MYO18B: variants seen among roughly 807,000 people sequenced by gnomAD.
The protein encoded by MYO18B is unconventional myosin-XVIIIb.
MYO18B carries 204 observed loss-of-function variants against 273.0 expected under a neutral mutation model. The ratio of observed to expected loss-of-function variants is 0.75; its 90% CI spans 0.67 to 0.84. MYO18B has a LOEUF of 0.84. MYO18B is among the 40% of genes least tolerant of loss of function. The pLI is 0.00. For missense variants in MYO18B, 3,212 were observed against 3,287.6 expected (o/e 0.98, Z 0.56); for synonymous variants, 1,330 against 1,305.7 (o/e 1.02, Z -0.40).
intron 42 of MYO18B, among the ~76,000 whole-genome samples, chr22:26,020,904 C>T (rs1164645730): frequency 2.0e-5 from 3 of 152,132 alleles, no homozygotes; most frequent in Non-Finnish European, 2.9e-5. Context: ...TCCTGACCAA[C>T]ATGGTGAAAC....
intron 21 of MYO18B, 121 bp downstream of exon 21, chr22:25,851,700 C>A: frequency 1.3e-6 from 1 of 746,962 alleles, no homozygotes; most frequent in Non-Finnish European, 2.3e-6. Flanking sequence ...CTTTGGGATA[C>A]CCAGGTGGGT....
chr22:25,997,944 C>T (rs9613073), intron 40 of MYO18B, among the ~76,000 whole-genome samples: 1 of 139,540 alleles, frequency 7.2e-6, no homozygotes, highest in Non-Finnish European at 1.6e-5. Context: ...CACACACACA[C>T]ACACACACAC....
At chr22:25,745,906 A>T (rs1217592836) in intron 1 of MYO18B, among the ~76,000 whole-genome samples, 1 of 152,146 alleles carries the variant, frequency 6.6e-6, no homozygotes, top group Non-Finnish European at 1.5e-5. Flanking sequence ...GCTTGATGGG[A>T]TTAAATGTCT....
Position 25,813,606 on chromosome 22 carries a change from C to T in MYO18B, c.2522-9899C>T, listed in dbSNP as rs143932233. Among the ~76,000 whole-genome samples the T allele has an allele frequency of 2.4e-4, 37 of 152,276 alleles. No homozygotes were observed. The East Asian group carries it at 7.2e-3, about 29-fold the overall frequency. On this transcript the variant is annotated intron_variant, in intron 12 of 43. Coordinates refer to ENST00000335473, the MANE Select transcript of MYO18B (RefSeq NM_032608.7). ...AGGAGCGTGCTCTAGGCAGAGGAACCTGAATGGCAAAGACACAGTGGCTTG... is the reference window on the plus strand; with the variant it reads ...AGGAGCGTGCTCTAGGCAGAGGAACTTGAATGGCAAAGACACAGTGGCTTG...
At chr22:25,967,429 C>G (rs1163009819) in intron 39 of MYO18B, among the ~76,000 whole-genome samples, 1 of 152,182 alleles carries the variant, frequency 6.6e-6, no homozygotes, top group Non-Finnish European at 1.5e-5. Flanking sequence ...GGCCCCAAAT[C>G]AGACACTTCA....
intron 12 of MYO18B, among the ~76,000 whole-genome samples, chr22:25,809,850 C>T (rs756809399): frequency 6.6e-6 from 1 of 151,696 alleles, no homozygotes; most frequent in Non-Finnish European, 1.5e-5. Context: ...GTGATAGTAA[C>T]AGAGGGACTG....
intron 25 of MYO18B, among the ~76,000 whole-genome samples, chr22:25,879,948 G>T (rs1238800609): frequency 6.6e-6 from 1 of 152,152 alleles, no homozygotes; most frequent in African/African-American, 2.4e-5. Flanking sequence ...CACTAGAACA[G>T]CAAGGGGGAA....
intron 12 of MYO18B, among the ~76,000 whole-genome samples, chr22:25,803,918 A>C (rs1257085309): frequency 6.7e-6 from 1 of 149,946 alleles, no homozygotes; most frequent in Non-Finnish European, 1.5e-5. Context: ...GGTTTACACT[A>C]TTTTGACCTC....
At chr22:25,780,835 G>A (rs896122155) in intron 9 of MYO18B, among the ~76,000 whole-genome samples, 17 of 152,178 alleles carry the variant, frequency 1.1e-4, no homozygotes, top group African/African-American at 3.9e-4. Context: ...TCTTAAAAGC[G>A]CAAGTTGAAA....
At chr22:25,928,967 G>T (rs2092459806) in intron 34 of MYO18B, among the ~76,000 whole-genome samples, 1 of 152,010 alleles carries the variant, frequency 6.6e-6, no homozygotes, top group South Asian at 2.1e-4. Flanking sequence ...TTCAAGACCA[G>T]CCTGACCAAA....
intron 21 of MYO18B, among the ~76,000 whole-genome samples, chr22:25,858,365 G>A (rs550559061): frequency 2.2e-4 from 34 of 152,338 alleles, no homozygotes; most frequent in African/African-American, 7.9e-4. Context: ...CTTCATGGGG[G>A]CAGGTGCTAT....
At chr22:25,833,225 G>A (rs2089778035) in intron 16 of MYO18B, among the ~76,000 whole-genome samples, 1 of 152,230 alleles carries the variant, frequency 6.6e-6, no homozygotes, top group African/African-American at 2.4e-5. Context: ...GTTGAGAACT[G>A]CTGCTGTCCT....
intron 36 of MYO18B, among the ~76,000 whole-genome samples, chr22:25,948,488 C>T (rs1266704908): frequency 6.5e-5 from 8 of 123,302 alleles, no homozygotes; most frequent in Admixed American, 2.6e-4. Context: ...CTTTCTTTCT[C>T]TTTCTTTCTT....
At chr22:25,878,663 T>G (rs141999622) in intron 25 of MYO18B, among the ~76,000 whole-genome samples, 1 of 152,316 alleles carries the variant, frequency 6.6e-6, no homozygotes, top group East Asian at 1.9e-4. Flanking sequence ...AATTAGGAAG[T>G]GCAAATTAAC....
chr22:25,804,974 C>T (rs751882186), intron 12 of MYO18B, among the ~76,000 whole-genome samples: 11 of 152,182 alleles, frequency 7.2e-5, no homozygotes, highest in South Asian at 4.1e-4. Flanking sequence ...GAGGGCTCAG[C>T]GAAGGGCCCA....
chr22:25,820,777 A>G (rs540150468), intron 12 of MYO18B, among the ~76,000 whole-genome samples: 3 of 152,134 alleles, frequency 2.0e-5, no homozygotes, highest in Non-Finnish European at 2.9e-5. Flanking sequence ...TATTTCTCCT[A>G]TCTAGCTGTG....
Position 25,828,942 on chromosome 22 carries a change from G to T in MYO18B, c.2953G>T (p.Val985Phe), listed in dbSNP as rs1270560268. The T allele has an allele frequency of 6.2e-7, 1 of 1,613,968 alleles. No individual in the cohort carries two copies. The highest frequency in any genetic ancestry group is 1.1e-5 in the South Asian group (1 of 91,076). Residue 985 changes from valine to phenylalanine, a missense_variant, in exon 15 of 44, where the codon GTC becomes TTC. Coordinates refer to ENST00000335473, the MANE Select transcript of MYO18B (RefSeq NM_032608.7). ...GCTGCTGTTCTACCAGCGGACCTTT[G>T]TCTCCACGCTACAGCGATATCAAGA... The part of the protein sequence containing the change: ...LQLLFYQRTF[V>F]STLQRYQEEG...
chr22:25,843,219 A>G (rs1215466738), intron 17 of MYO18B, among the ~76,000 whole-genome samples: 2 of 152,200 alleles, frequency 1.3e-5, no homozygotes, highest in Non-Finnish European at 2.9e-5. Flanking sequence ...ATGTGCCTGT[A>G]TCTCCCAAAA....
chr22:25,957,721 G>A (rs1170622995), intron 39 of MYO18B, among the ~76,000 whole-genome samples: 1 of 152,078 alleles, frequency 6.6e-6, no homozygotes, highest in African/African-American at 2.4e-5. Flanking sequence ...ATGGCTCCAG[G>A]TGCTCCTTGG....
Sources: allele counts gnomAD v4.1 joint callset (sites outside exome capture counted in the v4.1 genomes callset), GRCh38; gene constraint gnomAD v4.1.1; transcripts MANE v1.5; gene names NCBI Gene and HGNC (gene_info 2026-07-23, HGNC 2026-07-21).